Variants in CDH1 observed in about 807,000 individuals in gnomAD.
CDH1 encodes cadherin 1, also known as cadherin-1.
A neutral mutation model predicts 84.5 loss-of-function variants in CDH1; 35 were observed. The ratio of observed to expected loss-of-function variants is 0.41; its 90% CI spans 0.32 to 0.55. CDH1 has a LOEUF of 0.55. Ranked by LOEUF, CDH1 falls within the 20% of genes least tolerant of loss-of-function variation. The pLI, the probability that CDH1 is intolerant of heterozygous loss-of-function variation, is 0.19. For missense variants in CDH1, 994 were observed against 1,126.6 expected, an observed-to-expected ratio of 0.88 and a Z score of 1.68; for synonymous variants, 417 against 439.0, an observed-to-expected ratio of 0.95 and a Z score of 0.63.
At chr16:68,819,826 A>G (rs1012719202) in intron 11 of CDH1, among the ~76,000 whole-genome samples, 30 of 152,126 alleles carry the variant, frequency 2.0e-4, no homozygotes, top group African/African-American at 7.2e-4. Flanking sequence ...GTTTCACTTG[A>G]GACAATGGCC....
chr16:68,779,661 A>C (rs1959822568), intron 2 of CDH1, among the ~76,000 whole-genome samples: 1 of 152,194 alleles, frequency 6.6e-6, no homozygotes, highest in Admixed American at 6.5e-5. Flanking sequence ...GATCGAGACC[A>C]TCCTGGCCAA....
intron 6 of CDH1, among the ~76,000 whole-genome samples, chr16:68,810,553 T>G (rs1001887319): frequency 6.7e-6 from 1 of 149,516 alleles, no homozygotes; most frequent in Non-Finnish European, 1.5e-5. Flanking sequence ...CAATCTTCCC[T>G]TTTTTATTAT....
rs2152138183 is a variant in CDH1, at chr16:68,822,029, A to G, written c.1740A>G (p.Thr580=). ...NGSPVATGTG[T]LLLILSDVND... ...CTCCAGTTGCTACTGGAACAGGGAC[A>G]CTTCTGCTGATCCTGTCTGATGTGA... The change falls in exon 12 of 16, where the codon ACA becomes ACG. Residue 580 remains threonine, a synonymous_variant. Transcript: ENST00000261769. 6.2e-7 allele frequency: 1 copy of G among 1,614,180 alleles called. No homozygotes were observed. Among genetic ancestry groups the G allele is most frequent in the Non-Finnish European group, 8.5e-7 (1 of 1,180,028 alleles).
chr16:68,822,684 TGG>T (rs1042883550), intron 12 of CDH1: 5 of 320,422 alleles, frequency 1.6e-5, no homozygotes, highest in Non-Finnish European at 2.4e-5. Context: ...TACTTCTCTC[TGG>T]GCTTCTATTT....
chr16:68,750,350 G>T (rs542007188), intron 2 of CDH1, among the ~76,000 whole-genome samples: 2 of 151,270 alleles, frequency 1.3e-5, no homozygotes, highest in Admixed American at 6.6e-5. Flanking sequence ...CAGGGAAACC[G>T]CCTTAAAGAA....
At chr16:68,806,361 G>A (rs1045362401) in intron 3 of CDH1, among the ~76,000 whole-genome samples, 1 of 151,902 alleles carries the variant, frequency 6.6e-6, no homozygotes, top group Non-Finnish European at 1.5e-5. Context: ...CGTTGGCCAA[G>A]CTGATCCCAA....
intron 2 of CDH1, among the ~76,000 whole-genome samples, chr16:68,769,012 C>G (rs1959466536): frequency 1.3e-5 from 2 of 152,152 alleles, no homozygotes; most frequent in South Asian, 4.2e-4. Flanking sequence ...TGGATAATAG[C>G]TCACATCTAT....
At chr16:68,760,645 C>T (rs1963142499) in intron 2 of CDH1, among the ~76,000 whole-genome samples, 1 of 152,108 alleles carries the variant, frequency 6.6e-6, no homozygotes, top group African/African-American at 2.4e-5. Context: ...AGTTCTCTTC[C>T]GCACAGTGTG....
At chr16:68,829,048 A>G (rs750647707) in intron 14 of CDH1, among the ~76,000 whole-genome samples, 1 of 152,204 alleles carries the variant, frequency 6.6e-6, no homozygotes, top group Non-Finnish European at 1.5e-5. Context: ...GTGGAATCTC[A>G]GCGGCACACA....
intron 13 of CDH1, among the ~76,000 whole-genome samples, chr16:68,824,882 T>G (rs1467220902): frequency 6.6e-6 from 1 of 152,198 alleles, no homozygotes; most frequent in Non-Finnish European, 1.5e-5. Flanking sequence ...AGGAGTGCAC[T>G]ACATCAGAAC....
intron 10 of CDH1, among the ~76,000 whole-genome samples, chr16:68,818,865 AAAAAAG>A (rs1961058722): frequency 6.6e-6 from 1 of 150,884 alleles, no homozygotes; most frequent in Non-Finnish European, 1.5e-5. Context: ...AAAAAAAAAA[AAAAAAG>A]AAAGAAAGGG....
intron 2 of CDH1, among the ~76,000 whole-genome samples, chr16:68,771,481 C>T (rs1430460354): frequency 1.3e-5 from 2 of 152,128 alleles, no homozygotes; most frequent in South Asian, 2.1e-4. Flanking sequence ...TAGCCGGGCG[C>T]GGTGGCTCAC....
At chr16:68,739,608 A>ATTTTTTTT (rs549473582) in intron 2 of CDH1, among the ~76,000 whole-genome samples, 1 of 79,192 alleles carries the variant, frequency 1.3e-5, no homozygotes, top group Non-Finnish European at 2.3e-5. Context: ...AGGAATAATG[A>ATTTTTTTT]TTTTTTTTTT....
At chr16:68,828,023 C>A in intron 13 of CDH1, 151 bp from the exon 14 acceptor site, 2 of 815,702 alleles carry the variant, frequency 2.5e-6, no homozygotes, top group Non-Finnish European at 4.3e-6. Context: ...GTGAGTGTCA[C>A]GTGGATTGAC....
intron 2 of CDH1, among the ~76,000 whole-genome samples, chr16:68,753,343 C>CTT (rs544037956): frequency 1.1e-3 from 167 of 147,020 alleles, no homozygotes; most frequent in African/African-American, 3.8e-3. Flanking sequence ...TCTTGTAAAT[C>CTT]TTTTTTTTTT....
In CDH1 at chr16:68,803,267, A is replaced by G. The variant is rs527991812; in HGVS notation, c.387+1374A>G. Among the ~76,000 whole-genome samples the G allele has an allele frequency of 2.6e-4, 39 of 152,246 alleles. No individual in the cohort carries two copies. The South Asian group carries it at 3.3e-3, about 13-fold the overall frequency. On this transcript the variant is annotated intron_variant, in intron 3 of 15. Coordinates refer to ENST00000261769, the MANE Select transcript of CDH1 (RefSeq NM_004360.5). ...TTAGACCAGAAAAATGAGGAATCTAATACTATAGGACCATATTAACTTAGC... is the reference window on the plus strand; with the variant it reads ...TTAGACCAGAAAAATGAGGAATCTAGTACTATAGGACCATATTAACTTAGC...
At chr16:68,830,097 G>C (rs1433264184) in intron 15 of CDH1, among the ~76,000 whole-genome samples, 1 of 151,742 alleles carries the variant, frequency 6.6e-6, no homozygotes, top group Non-Finnish European at 1.5e-5. Context: ...TGGGATTACA[G>C]GCATGCACCA....
chr16:68,822,848 G>T (rs1052192976), intron 12 of CDH1: 4 of 235,362 alleles, frequency 1.7e-5, no homozygotes, highest in East Asian at 2.3e-4. Flanking sequence ...ATGTAAAGAT[G>T]AATGGGGTAA....
intron 1 of CDH1, among the ~76,000 whole-genome samples, chr16:68,737,729 T>G (rs1962438879): frequency 7.0e-6 from 1 of 141,974 alleles, no homozygotes; most frequent in South Asian, 2.3e-4. Flanking sequence ...GTCCGCGGGG[T>G]GGGCTCGCGC....
Sources: allele counts gnomAD v4.1 joint callset (sites outside exome capture counted in the v4.1 genomes callset), GRCh38; gene constraint gnomAD v4.1.1; transcripts MANE v1.5; gene names NCBI Gene and HGNC (gene_info 2026-07-23, HGNC 2026-07-21).